The following ZNF429 variants were observed in gnomAD, a reference collection of about 807,000 sequenced individuals.
The protein encoded by ZNF429 is zinc finger protein 429.
In ZNF429, 53 loss-of-function variants were observed where a neutral mutation model predicts 56.8. That is an observed-to-expected ratio of 0.93 (90% CI 0.75 to 1.17). The LOEUF is 1.17. ZNF429 is among the 50% of genes most tolerant of loss of function. ZNF429 has a pLI of 0.00. For synonymous variants in ZNF429, 278 were observed against 264.7 expected, an observed-to-expected ratio of 1.05 and a Z score of -0.49; for missense variants, 849 against 788.4, an observed-to-expected ratio of 1.08 and a Z score of -0.92.
rs775564546 is a variant in ZNF429, at chr19:21,537,408, C to G, written c.1355C>G (p.Pro452Arg). 1.9e-6 allele frequency: 3 copies of G among 1,613,474 alleles called. No homozygotes were observed. The highest frequency in any genetic ancestry group is 2.2e-5 in the South Asian group (2 of 91,044). The change falls in exon 4 of 4, where the codon CCC becomes CGC. Residue 452 changes from proline to arginine, a missense_variant. Physicochemically the swap from Pro to Arg is moderately radical, Grantham distance 103 (BLOSUM62 -2). Coordinates refer to ENST00000358491, the MANE Select transcript of ZNF429 (RefSeq NM_001001415.4). Reference protein sequence around the residue: ...RHKRIHTEEKPYKCNECGKAF... With the variant: ...RHKRIHTEEKRYKCNECGKAF... ...AAGAGAATTCATACTGAAGAGAAACCCTATAAATGTAACGAATGTGGCAAA... is the reference window on the plus strand; with the variant it reads ...AAGAGAATTCATACTGAAGAGAAACGCTATAAATGTAACGAATGTGGCAAA...
chr19:21,521,812 A>G (rs1032346615), intron 1 of ZNF429: 1 of 152,282 alleles, frequency 6.6e-6, no homozygotes, highest in African/African-American at 2.4e-5. Context: ...TTATAACTAG[A>G]AACTGAGGCT....
At chr19:21,509,985 T>G (rs1185186218) in intron 1 of ZNF429, among the ~76,000 whole-genome samples, 3 of 152,020 alleles carry the variant, frequency 2.0e-5, no homozygotes, top group African/African-American at 7.2e-5. Flanking sequence ...CTCTGCTTAC[T>G]GCAACCTCCA....
rs1258613182 is a variant in ZNF429, at chr19:21,536,942, T to C, written c.889T>C (p.Ser297Pro). 25 of 1,612,282 alleles carry C rather than the reference T, an allele frequency of 1.6e-5. No homozygotes were observed. Among genetic ancestry groups the C allele is most frequent in the East Asian group, 2.2e-5 (1 of 44,854 alleles). Residue 297 changes from serine (S) to proline (P), a missense_variant, in exon 4 of 4, where the codon TCC (serine) becomes CCC (proline). By Grantham distance (74) the Ser-to-Pro change is moderately conservative. Transcript: ENST00000358491. ...CDECGKTFSISSTFTKHKIIH... is the reference protein window; with the variant it reads ...CDECGKTFSIPSTFTKHKIIH... ...TGAATGTGGCAAAACCTTTAGCATA[T>C]CCTCAACCTTTACTAAACATAAGAT...
intron 1 of ZNF429, among the ~76,000 whole-genome samples, chr19:21,511,930 A>G (rs1289089191): frequency 6.6e-6 from 1 of 152,102 alleles, no homozygotes; most frequent in Non-Finnish European, 1.5e-5. Context: ...TACGAAAACC[A>G]GTCAGGCGTG....
At chr19:21,517,180 C>T (rs934035932) in intron 1 of ZNF429, among the ~76,000 whole-genome samples, 2 of 152,140 alleles carry the variant, frequency 1.3e-5, no homozygotes, top group Non-Finnish European at 2.9e-5. Flanking sequence ...GCTTTATCTA[C>T]GTCTATTGAG....
At chr19:21,524,575 T>C (rs2033099368) in intron 1 of ZNF429, among the ~76,000 whole-genome samples, 1 of 151,950 alleles carries the variant, frequency 6.6e-6, no homozygotes, top group African/African-American at 2.4e-5. Context: ...TTGTCCTTCC[T>C]CTTACCCAAG....
intron 1 of ZNF429, among the ~76,000 whole-genome samples, chr19:21,506,862 G>C (rs547817871): frequency 4.2e-4 from 59 of 140,692 alleles, no homozygotes; most frequent in Admixed American, 3.1e-3. Context: ...TTCCGCCTCC[G>C]TGTTCAAGTA....
intron 1 of ZNF429, among the ~76,000 whole-genome samples, chr19:21,525,046 C>T (rs1421979978): frequency 2.0e-5 from 3 of 152,120 alleles, no homozygotes; most frequent in Non-Finnish European, 4.4e-5. Flanking sequence ...AGACTATCAA[C>T]TGGATAAATG....
In ZNF429 at chr19:21,530,611, C is replaced by A. The variant is rs1287669541; in HGVS notation, c.153C>A (p.Asp51Glu). Reference protein sequence around the residue: ...VFLGIAVSKPDLITCLEKEKE... With the variant: ...VFLGIAVSKPELITCLEKEKE... ...CAGGTATTGCTGTTTCTAAGCCAGA[C>A]CTAATCACTTGTCTAGAGAAAGAAA... is the stretch of plus-strand genomic sequence containing the variant. Residue 51 changes from aspartate to glutamate, a missense_variant, in exon 3 of 4, where the codon GAC (aspartate) becomes GAA (glutamate). Asp to Glu is a conservative substitution (Grantham distance 45). Coordinates refer to ENST00000358491, the MANE Select transcript of ZNF429 (RefSeq NM_001001415.4). 1.9e-6 allele frequency: 3 copies of A among 1,609,902 alleles called. No homozygotes were observed. The highest frequency in any genetic ancestry group is 2.2e-5 in the East Asian group (1 of 44,810).
intron 1 of ZNF429, among the ~76,000 whole-genome samples, chr19:21,511,307 C>T (rs1002476123): frequency 1.3e-5 from 2 of 152,066 alleles, no homozygotes; most frequent in African/African-American, 2.4e-5. Flanking sequence ...GGAGACGCTC[C>T]TCACTGCCCA....
rs1213801481 is a variant in ZNF429, at chr19:21,537,094, C to T, written c.1041C>T (p.Gly347=). The change falls in exon 4 of 4, where the codon GGC becomes GGT. Residue 347 remains glycine, a synonymous_variant. Transcript: ENST00000358491. Reference sequence around the variant, plus strand: ...AACCCTACAAATGTGAAGAATGTGGCAAAGCCTTTAACTGGTCTTCAACTC... The same window carrying T: ...AACCCTACAAATGTGAAGAATGTGGTAAAGCCTTTAACTGGTCTTCAACTC... ...GEKPYKCEEC[G]KAFNWSSTLT... is the part of the protein sequence containing the mutation. 9.9e-6 allele frequency: 16 copies of T among 1,613,852 alleles called. No individual in the cohort carries two copies. The highest frequency in any genetic ancestry group is 1.4e-5 in the Non-Finnish European group (16 of 1,179,888).
At chr19:21,516,051 TG>T (rs911309525) in intron 1 of ZNF429, among the ~76,000 whole-genome samples, 2 of 152,004 alleles carry the variant, frequency 1.3e-5, no homozygotes, top group African/African-American at 2.4e-5. Flanking sequence ...TTTGTTTTTT[TG>T]TTTTTTTAAA....
chr19:21,530,474 A>G lies in ZNF429; in HGVS notation c.131-115A>G. ...TTAGAAATTTCTCTTATAAATTGGT[A>G]TTTGGGCATTAATTTACTAGAATAT... On this transcript the variant is annotated intron_variant, in intron 2 of 3. Coordinates refer to ENST00000358491, the MANE Select transcript of ZNF429 (RefSeq NM_001001415.4). The G allele has an allele frequency of 1.0e-5, 6 of 579,106 alleles. No homozygotes were observed. The African/African-American group carries it at 1.2e-4, about 11-fold the overall frequency. The allele number at this position is 579,106 out of a possible 1,614,324, so 35.9% of individuals were successfully genotyped here. A position where few individuals can be genotyped will look rare whatever the true frequency, so the allele number is the denominator to read the frequency against.
At chr19:21,529,562 T>C in intron 1 of ZNF429, 96 bp from the exon 2 acceptor site, 1 of 1,285,220 alleles carries the variant, frequency 7.8e-7, no homozygotes, top group Non-Finnish European at 1.0e-6. Context: ...CTCTCTCATT[T>C]CACCTTGAAT....
At chr19:21,508,856 C>A (rs781240247) in intron 1 of ZNF429, among the ~76,000 whole-genome samples, 3 of 152,142 alleles carry the variant, frequency 2.0e-5, no homozygotes, top group African/African-American at 7.2e-5. Flanking sequence ...AGGTGAGTTA[C>A]ATGAATTCAT....
At chr19:21,529,038 C>G (rs1433837226) in intron 1 of ZNF429, 1 of 152,126 alleles carries the variant, frequency 6.6e-6, no homozygotes, top group Non-Finnish European at 1.5e-5. Flanking sequence ...GTTTTCTTTG[C>G]ATATATCTGT....
Position 21,537,006 on chromosome 19 carries a change from G to A in ZNF429, c.953G>A (p.Cys318Tyr), listed in dbSNP as rs1281380408. ...TEEKPYKCKE[C>Y]GKAFNRSSTL... ...GAGAAACCCTACAAATGTAAAGAATGTGGCAAAGCCTTTAACCGGTCCTCA... is the reference window on the plus strand; with the variant it reads ...GAGAAACCCTACAAATGTAAAGAATATGGCAAAGCCTTTAACCGGTCCTCA... The change falls in exon 4 of 4, where the codon TGT becomes TAT. Residue 318 changes from cysteine (C) to tyrosine (Y), a missense_variant. Cys to Tyr is a radical substitution (Grantham distance 194). Transcript: ENST00000358491. 1 of 1,613,938 alleles carries A rather than the reference G, an allele frequency of 6.2e-7. No homozygotes were observed. Among genetic ancestry groups the A allele is most frequent in the Non-Finnish European group, 8.5e-7 (1 of 1,179,934 alleles).
At chr19:21,523,787 C>G (rs1450906741) in intron 1 of ZNF429, among the ~76,000 whole-genome samples, 1 of 152,192 alleles carries the variant, frequency 6.6e-6, no homozygotes, top group Non-Finnish European at 1.5e-5. Context: ...TTCATGTTGC[C>G]TCATCTTCTA....
Position 21,540,405 on chromosome 19 carries a change from T to G in ZNF429, c.*2327T>G, listed in dbSNP as rs2033881145. On this transcript the variant is annotated 3_prime_UTR_variant, in exon 4 of 4. Coordinates refer to ENST00000358491, the MANE Select transcript of ZNF429 (RefSeq NM_001001415.4). Reference sequence around the variant, plus strand: ...TTTGATATTTAAATTTTTTTCTTATTTTTTTGTGGGTACATAATATGTGTA... The same window carrying G: ...TTTGATATTTAAATTTTTTTCTTATGTTTTTGTGGGTACATAATATGTGTA... 6.6e-6 allele frequency among the ~76,000 whole-genome samples: 1 copy of G among 152,084 alleles called. No homozygotes were observed. Among genetic ancestry groups the G allele is most frequent in the Admixed American group, 6.6e-5 (1 of 15,252 alleles).
Sources: allele counts gnomAD v4.1 joint callset (sites outside exome capture counted in the v4.1 genomes callset), GRCh38; gene constraint gnomAD v4.1.1; transcripts MANE v1.5; gene names NCBI Gene and HGNC (gene_info 2026-07-23, HGNC 2026-07-21).